The following CFAP20DC variants were observed in gnomAD, a reference collection of about 807,000 sequenced individuals.
CFAP20DC encodes the protein protein CFAP20DC.
CFAP20DC carries 84 observed loss-of-function variants against 101.7 expected under a neutral mutation model. The observed-to-expected ratio is 0.83, with a 90% CI of 0.69 to 0.99. The LOEUF (loss-of-function observed/expected upper bound fraction) is 0.99, where lower values mean the gene tolerates loss of function less well. Ranked by LOEUF, CFAP20DC falls within the 50% of genes least tolerant of loss-of-function variation. The pLI is 0.00. For missense variants in CFAP20DC, 1,007 were observed against 970.3 expected (o/e 1.04, Z -0.50); for synonymous variants, 359 against 351.2 (o/e 1.02, Z -0.25).
At chr3:58,947,823 T>C (rs533731494) in intron 4 of CFAP20DC, among the ~76,000 whole-genome samples, 11 of 152,166 alleles carry the variant, frequency 7.2e-5, no homozygotes, top group African/African-American at 2.2e-4. Flanking sequence ...GAAAAGGCAA[T>C]ATAAGAATGT....
chr3:58,985,494 C>A (rs1433993360), intron 4 of CFAP20DC, among the ~76,000 whole-genome samples: 1 of 152,158 alleles, frequency 6.6e-6, no homozygotes, highest in African/African-American at 2.4e-5. Flanking sequence ...CTATCAATCC[C>A]TTGCCTACAG....
At chr3:58,966,496 A>ATGTG (rs763004654) in intron 4 of CFAP20DC, among the ~76,000 whole-genome samples, 2 of 114,738 alleles carry the variant, frequency 1.7e-5, no homozygotes, top group East Asian at 3.9e-4. Flanking sequence ...ATATACACAT[A>ATGTG]TGTGTGTGTG....
intron 4 of CFAP20DC, among the ~76,000 whole-genome samples, chr3:59,036,377 T>C (rs2094103742): frequency 6.6e-6 from 1 of 152,190 alleles, no homozygotes; most frequent in Non-Finnish European, 1.5e-5. Flanking sequence ...GCAGATGACA[T>C]GATTGCATAT....
chr3:58,863,370 TAA>T lies in CFAP20DC; in HGVS notation c.1593+186_1593+187del, dbSNP rs879308973. 1,275 of 1,126,896 alleles carry T rather than the reference TAA, an allele frequency of 1.1e-3. No homozygotes were observed. Among genetic ancestry groups the T allele is most frequent in the South Asian group, 4.9e-3 (218 of 44,784 alleles). The allele number at this position is 1,126,896 out of a possible 1,614,324, so 69.8% of individuals were successfully genotyped here. On this transcript the variant is annotated intron_variant, in intron 12 of 16. Coordinates refer to ENST00000482387, the MANE Select transcript of CFAP20DC (RefSeq NM_001394063.1). The surrounding 1 kb of genome is among the most constrained non-coding windows in gnomAD (Gnocchi z 5.9). ...AAAGTGAAATTGGCTGACTGTTAAT[TAA>T]AAAAAAAAAAAGACAGTTTAAAGTT...
chr3:58,889,526 TTTTTTTTCTTTTTTTC>T (rs4020086), intron 6 of CFAP20DC, among the ~76,000 whole-genome samples: 6 of 150,630 alleles, frequency 4.0e-5, no homozygotes, highest in African/African-American at 1.2e-4. Context: ...CGCCAATCTT[TTTTTTTTCTTTTTTTC>T]TTTTTTTCTT....
intron 4 of CFAP20DC, among the ~76,000 whole-genome samples, chr3:59,029,174 C>T (rs59167904): frequency 3.9e-5 from 6 of 152,206 alleles, no homozygotes; most frequent in African/African-American, 1.2e-4. Context: ...TCCTTCCGCC[C>T]GTATGTCCGT....
intron 16 of CFAP20DC, among the ~76,000 whole-genome samples, chr3:58,748,065 G>A (rs576731475): frequency 6.6e-6 from 1 of 152,294 alleles, no homozygotes; most frequent in South Asian, 2.1e-4. Flanking sequence ...TAGGGAACAT[G>A]TTGAAGAACT....
In CFAP20DC at chr3:58,869,561, A is replaced by G. The variant is rs2079966031; in HGVS notation, c.853-71T>C. 4.8e-6 allele frequency: 6 copies of G among 1,259,434 alleles called. No individual in the cohort carries two copies. Among genetic ancestry groups the G allele is most frequent in the African/African-American group, 1.5e-5 (1 of 65,882 alleles). 78.0% of individuals were successfully genotyped at this position (1,259,434 alleles called of 1,614,324 possible). On this transcript the variant is annotated intron_variant, in intron 8 of 16. Transcript: ENST00000482387. The surrounding 1 kb of genome is among the most constrained non-coding windows in gnomAD (Gnocchi z 4.3). The stretch of plus-strand genomic sequence containing the variant: ...TTGTTTTCTGTAGAAGCTATATAGA[A>G]AACATAATATTTGGACCAATGAAGA...
rs567410930 is a variant in CFAP20DC, at chr3:58,969,017, T to C, written c.279-31255A>G. ...AGCTTTGTTGAAGATCAGATGGCTG[T>C]AGATGTGTGGCCTTATTTCTAGGCT... On this transcript the variant is annotated intron_variant, in intron 4 of 16. Coordinates refer to ENST00000482387, the MANE Select transcript of CFAP20DC (RefSeq NM_001394063.1). Among the ~76,000 whole-genome samples the C allele has an allele frequency of 6.4e-4, 98 of 152,308 alleles. 2 individuals carry two copies. In the South Asian group the frequency reaches 0.02, roughly 31 times the overall value.
chr3:58,899,343 G>C lies in CFAP20DC; in HGVS notation c.550+14365C>G, dbSNP rs936691678. On this transcript the variant is annotated intron_variant, in intron 6 of 16. Coordinates refer to ENST00000482387, the MANE Select transcript of CFAP20DC (RefSeq NM_001394063.1). This position sits in a 1 kb window ranked among gnomAD's most constrained non-coding sequence, Gnocchi z 5.0. ...TGGCCACCCCTCCCACTGGGGACTC[G>C]GTCCTTCTCAGGCAGACTCAAGCCT... is the stretch of plus-strand genomic sequence containing the variant. Among the ~76,000 whole-genome samples, 1 of 152,174 alleles carries C rather than the reference G, an allele frequency of 6.6e-6. No homozygotes were observed. Among genetic ancestry groups the C allele is most frequent in the Non-Finnish European group, 1.5e-5 (1 of 68,020 alleles).
At chr3:59,008,356 G>C (rs563117916) in intron 4 of CFAP20DC, among the ~76,000 whole-genome samples, 163 of 152,240 alleles carry the variant, frequency 1.1e-3, no homozygotes, top group African/African-American at 3.7e-3. Flanking sequence ...AGCTTCCCCA[G>C]CCACACTCAT....
At chr3:58,889,697 C>T (rs1215263853) in intron 6 of CFAP20DC, among the ~76,000 whole-genome samples, 1 of 136,270 alleles carries the variant, frequency 7.3e-6, no homozygotes, top group East Asian at 2.1e-4. Flanking sequence ...GAGGACCCTG[C>T]GGCCTTCCGC....
chr3:58,909,141 TA>T (rs2083895781), intron 6 of CFAP20DC, among the ~76,000 whole-genome samples: 1 of 152,166 alleles, frequency 6.6e-6, no homozygotes, highest in South Asian at 2.1e-4. Flanking sequence ...AATTCTAATG[TA>T]AACTATAGAC....
At chr3:58,931,846 A>C (rs2086740100) in intron 5 of CFAP20DC, among the ~76,000 whole-genome samples, 1 of 152,246 alleles carries the variant, frequency 6.6e-6, no homozygotes, top group African/African-American at 2.4e-5. Flanking sequence ...CAAAGACTGG[A>C]AACTCTAAAA....
At chr3:58,975,751 T>A (rs896141263) in intron 4 of CFAP20DC, among the ~76,000 whole-genome samples, 1 of 152,242 alleles carries the variant, frequency 6.6e-6, no homozygotes, top group African/African-American at 2.4e-5. Context: ...TGTTTTGGTA[T>A]GTGATACTGT....
chr3:58,930,720 T>G (rs538677288), intron 5 of CFAP20DC, among the ~76,000 whole-genome samples: 1 of 152,224 alleles, frequency 6.6e-6, no homozygotes, highest in South Asian at 2.1e-4. Flanking sequence ...TTGGGAAAAT[T>G]ACACTGGTTT....
chr3:58,885,937 C>T (rs1431393750), intron 6 of CFAP20DC, among the ~76,000 whole-genome samples: 1 of 152,028 alleles, frequency 6.6e-6, no homozygotes, highest in Non-Finnish European at 1.5e-5. Flanking sequence ...AGATGTCTCT[C>T]TGTAATTTTC....
At chr3:58,759,650 G>C (rs993847917) in intron 15 of CFAP20DC, among the ~76,000 whole-genome samples, 1 of 152,194 alleles carries the variant, frequency 6.6e-6, no homozygotes, top group Non-Finnish European at 1.5e-5. Flanking sequence ...TTTTCTTCTA[G>C]GGTTTTTATG....
chr3:58,929,721 T>C (rs536431008), intron 5 of CFAP20DC, among the ~76,000 whole-genome samples: 1 of 152,226 alleles, frequency 6.6e-6, no homozygotes, highest in East Asian at 1.9e-4. Context: ...TATGTCTACA[T>C]GAACAGCAAG....
Sources: allele counts gnomAD v4.1 joint callset (sites outside exome capture counted in the v4.1 genomes callset), GRCh38; gene constraint gnomAD v4.1.1; non-coding constraint Gnocchi (gnomAD v3.1); transcripts MANE v1.5; gene names NCBI Gene and HGNC (gene_info 2026-07-23, HGNC 2026-07-21).